Variants in TKTL1 observed in about 807,000 individuals in gnomAD.
TKTL1 encodes the protein transketolase like 1, also known as transketolase-like protein 1.
TKTL1 carries 1 observed loss-of-function variant against 39.3 expected under a neutral mutation model. The observed-to-expected ratio is 0.03, with a 90% confidence interval of 0.01 to 0.12. The LOEUF is 0.12. TKTL1 is among the 10% of genes least tolerant of loss of function. The pLI, the probability that TKTL1 is intolerant of heterozygous loss-of-function variation, is 1.00. For missense variants in TKTL1, 575 were observed against 509.6 expected (o/e 1.13, Z -1.24); for synonymous variants, 262 against 193.8 (o/e 1.35, Z -2.92).
chrX:154,327,734 A>G (rs1557172258), intron 11 of TKTL1, 47 bp downstream of exon 11: 25 of 1,193,520 alleles, frequency 2.1e-5, no homozygotes, highest in Non-Finnish European at 2.8e-5. Flanking sequence ...GGGAAGAGGT[A>G]GGACTTCAGC....
chrX:154,321,713 T>C (rs2067452752), intron 8 of TKTL1, among the ~76,000 whole-genome samples: 1 of 106,588 alleles, frequency 9.4e-6, no homozygotes, highest in African/African-American at 3.4e-5. Context: ...ATGGGCTTAC[T>C]AGATGTGGCT....
chrX:154,329,999 C>T lies in TKTL1; in HGVS notation c.*311C>T, dbSNP rs1195191545. The T allele has an allele frequency of 4.8e-6, 1 of 207,356 alleles. No individual in the cohort carries two copies. The highest frequency in any genetic ancestry group is 9.1e-5 in the East Asian group (1 of 10,997). The allele number at this position is 207,356 out of a possible 1,213,427, so 17.1% of individuals were successfully genotyped here. A position where few individuals can be genotyped will look rare whatever the true frequency, so the allele number is the denominator to read the frequency against. ...ACTATAGATAAGTGGTAGAGGTAAT[C>T]AATTCTTCCGAAGTGTTTCCTTCGT... On this transcript the variant is annotated 3_prime_UTR_variant, in exon 13 of 13. Coordinates refer to ENST00000369915, the MANE Select transcript of TKTL1 (RefSeq NM_012253.4).
At chrX:154,325,932 T>G (rs928356939) in intron 10 of TKTL1, among the ~76,000 whole-genome samples, 2 of 111,996 alleles carry the variant, frequency 1.8e-5, no homozygotes, top group Non-Finnish European at 3.8e-5. Context: ...AGCAGTGAGC[T>G]ATGATGGATC....
chrX:154,325,999 A>C (rs2067490940), intron 10 of TKTL1, among the ~76,000 whole-genome samples: 1 of 111,876 alleles, frequency 8.9e-6, no homozygotes. Context: ...TAAAAACAAG[A>C]CAAAAAATAA....
chrX:154,327,911 A>C lies in TKTL1; in HGVS notation c.1571A>C (p.Lys524Thr). 8.3e-6 allele frequency: 10 copies of C among 1,211,537 alleles called. No homozygotes were observed. Among genetic ancestry groups the C allele is most frequent in the Non-Finnish European group, 1.1e-5 (10 of 895,352 alleles). ...LDVATIVSSAKATEGRIITVE... is the reference protein window; with the variant it reads ...LDVATIVSSATATEGRIITVE... ...GTCGCCACCATCGTCTCCAGTGCAA[A>C]AGCCACAGAGGGCCGGATCATTACA... Residue 524 changes from lysine to threonine, a missense_variant, in exon 12 of 13, where the codon AAA becomes ACA. Transcript: ENST00000369915.
chrX:154,306,080 G>A (rs1308996561), intron 2 of TKTL1, among the ~76,000 whole-genome samples: 1 of 110,348 alleles, frequency 9.1e-6, no homozygotes, highest in African/African-American at 3.3e-5. Flanking sequence ...ACTGAGGTGG[G>A]TGGATCACTG....
chrX:154,326,709 AGCTT>A (rs1352947395), intron 10 of TKTL1, among the ~76,000 whole-genome samples: 3 of 112,795 alleles, frequency 2.7e-5, no homozygotes, highest in African/African-American at 9.7e-5. Flanking sequence ...TGGTTTGCAG[AGCTT>A]GCTTATTTCT....
rs1158431367 is a variant in TKTL1, at chrX:154,295,889, C to T, written c.30C>T (p.Phe10=). 1.2e-5 allele frequency: 14 copies of T among 1,210,086 alleles called. No individual in the cohort carries two copies. The highest frequency in any genetic ancestry group is 8.7e-5 in the African/African-American group (5 of 57,264). Residue 10 remains phenylalanine, a synonymous_variant, in exon 1 of 13, where the codon TTC becomes TTT. Coordinates refer to ENST00000369915, the MANE Select transcript of TKTL1 (RefSeq NM_012253.4). ...CGGATGCTGAGGCGAGGGCTGAGTTCCCGGAGGAGGCCAGACCTGACAGGG... is the reference window on the plus strand; with the variant it reads ...CGGATGCTGAGGCGAGGGCTGAGTTTCCGGAGGAGGCCAGACCTGACAGGG... MADAEARAE[F]PEEARPDRGT...
At chrX:154,329,479 G>A (rs201425351) in intron 12 of TKTL1, 37 bp from the exon 13 acceptor site, 3 of 1,195,532 alleles carry the variant, frequency 2.5e-6, no homozygotes, top group East Asian at 3.0e-5. Context: ...CTGACGAGCT[G>A]CTTTCACAAA....
At chrX:154,307,052 C>G (rs2067320501) in intron 2 of TKTL1, among the ~76,000 whole-genome samples, 1 of 110,304 alleles carries the variant, frequency 9.1e-6, no homozygotes, top group African/African-American at 3.3e-5. Flanking sequence ...TTTGGGGGCT[C>G]CAGCAGGAGG....
intron 9 of TKTL1, among the ~76,000 whole-genome samples, chrX:154,325,059 G>A (rs1236215115): frequency 8.9e-6 from 1 of 111,933 alleles, no homozygotes; most frequent in Non-Finnish European, 1.9e-5. Context: ...TGCTCCTGCC[G>A]TGAGTTAATG....
chrX:154,317,376 G>A (rs782660961), intron 7 of TKTL1, among the ~76,000 whole-genome samples: 1 of 111,471 alleles, frequency 9.0e-6, no homozygotes, highest in African/African-American at 3.3e-5. Context: ...GGTCAGCCGT[G>A]TGCAGATGTG....
intron 7 of TKTL1, among the ~76,000 whole-genome samples, chrX:154,316,648 C>T (rs782085067): frequency 1.9e-4 from 21 of 111,817 alleles, no homozygotes; most frequent in Non-Finnish European, 3.8e-4. Context: ...GCATTCCCTC[C>T]TGACGCCAGT....
chrX:154,297,415 C>G lies in TKTL1; in HGVS notation c.134+1422C>G, dbSNP rs782150876. On this transcript the variant is annotated intron_variant, in intron 1 of 12. Coordinates refer to ENST00000369915, the MANE Select transcript of TKTL1 (RefSeq NM_012253.4). ...GGACTGCAGGCGCCCGCCACCACGC[C>G]TGGCTAATTTTTTCTGTTTTTTAGT... 2.9e-4 allele frequency among the ~76,000 whole-genome samples: 32 copies of G among 110,759 alleles called. No individual in the cohort carries two copies. In the East Asian group the frequency reaches 9.3e-3, roughly 32 times the overall value.
At chrX:154,319,940 G>C (rs1295805154) in intron 7 of TKTL1, among the ~76,000 whole-genome samples, 1 of 111,883 alleles carries the variant, frequency 8.9e-6, no homozygotes, top group Admixed American at 9.5e-5. Context: ...CTGGGGAAGG[G>C]GGGTAAGGAA....
intron 1 of TKTL1, among the ~76,000 whole-genome samples, chrX:154,301,072 C>T (rs782362359): frequency 9.0e-6 from 1 of 110,862 alleles, no homozygotes; most frequent in Non-Finnish European, 1.9e-5. Flanking sequence ...ATTTGGATGC[C>T]CTTTATTTAT....
At chrX:154,312,208 C>G (rs1363343028) in intron 5 of TKTL1, among the ~76,000 whole-genome samples, 3 of 112,563 alleles carry the variant, frequency 2.7e-5, no homozygotes, top group Admixed American at 9.4e-5. Context: ...CTCCCTTCCA[C>G]TCACCAGTGG....
intron 1 of TKTL1, among the ~76,000 whole-genome samples, chrX:154,296,751 C>T (rs2067232447): frequency 9.0e-6 from 1 of 111,417 alleles, no homozygotes; most frequent in South Asian, 3.7e-4. Context: ...TAGTGGCTGC[C>T]ACCTGTAATC....
intron 5 of TKTL1, among the ~76,000 whole-genome samples, 182 bp from the exon 6 acceptor site, chrX:154,312,398 C>T (rs1049479240): frequency 3.4e-4 from 38 of 112,348 alleles, no homozygotes; most frequent in African/African-American, 1.2e-3. Flanking sequence ...AACAAAAAGC[C>T]TCAGGGCCTT....
Sources: gnomAD v4.1 joint callset for allele counts (sites outside exome capture counted in the v4.1 genomes callset) on GRCh38, gnomAD v4.1.1 for gene constraint, MANE v1.5 for transcripts, NCBI Gene and HGNC (gene_info 2026-07-23, HGNC 2026-07-21) for gene names.